Variants in MAP2K5 observed in about 807,000 individuals in gnomAD.
The protein encoded by MAP2K5 is dual specificity mitogen-activated protein kinase kinase 5.
In MAP2K5, 49 loss-of-function variants were observed where a neutral mutation model predicts 83.1. The observed-to-expected ratio is 0.59, with a 90% CI of 0.47 to 0.75. The LOEUF is 0.75. MAP2K5 is among the 30% of genes least tolerant of loss of function. The probability of loss-of-function intolerance (pLI) is 0.00; values close to 1 mark genes in which losing one functional copy is unlikely to be tolerated. For missense variants in MAP2K5, 457 were observed against 557.5 expected (o/e 0.82, Z 1.82); for synonymous variants, 202 against 191.8 (o/e 1.05, Z -0.44).
Position 67,778,261 on chromosome 15 carries a change from T to G in MAP2K5, c.1242+5509T>G, listed in dbSNP as rs988624759. On this transcript the variant is annotated intron_variant, in intron 21 of 21. Coordinates refer to ENST00000178640, the MANE Select transcript of MAP2K5 (RefSeq NM_145160.3). This position sits in a 1 kb window ranked among gnomAD's most constrained non-coding sequence, Gnocchi z 5.0. ...TGATTGTAATTACATTTTCAGATAG[T>G]ATGGTTGGTTGTTCTCTCAATTAAT... Among the ~76,000 whole-genome samples, 1 of 152,222 alleles carries G rather than the reference T, an allele frequency of 6.6e-6. No homozygotes were observed. Among genetic ancestry groups the G allele is most frequent in the Non-Finnish European group, 1.5e-5 (1 of 68,042 alleles).
rs1358983759 is a variant in MAP2K5 at position 67,747,129 on chromosome 15, A to G, written c.1075-1102A>G. 2.6e-5 allele frequency among the ~76,000 whole-genome samples: 4 copies of G among 152,220 alleles called. No homozygotes were observed. The highest frequency in any genetic ancestry group is 2.0e-4 in the Admixed American group (3 of 15,276). ...TGGCGCTGAGGCCTCAGGCCCGGAC[A>G]CTGTCCTCTGATAGGCCCAGCTTTC... On this transcript the variant is annotated intron_variant, in intron 17 of 21. Transcript: ENST00000178640. This position sits in a 1 kb window ranked among gnomAD's most constrained non-coding sequence, Gnocchi z 4.1.
intron 4 of MAP2K5, 108 bp from the exon 5 acceptor site, chr15:67,585,780 TTC>T: frequency 1.1e-6 from 1 of 912,250 alleles, no homozygotes; most frequent in Non-Finnish European, 1.8e-6. Flanking sequence ...TTTCAATCAT[TTC>T]TCTCTGCTAA....
chr15:67,739,067 C>T (rs1018346744), intron 17 of MAP2K5, among the ~76,000 whole-genome samples: 2 of 151,942 alleles, frequency 1.3e-5, no homozygotes, highest in Non-Finnish European at 2.9e-5. Flanking sequence ...CTCACGTGAG[C>T]CCAGGAGTTT....
chr15:67,628,901 C>T (rs1422307392), intron 8 of MAP2K5: 9 of 750,124 alleles, frequency 1.2e-5, no homozygotes, highest in Non-Finnish European at 2.2e-5. Flanking sequence ...GGATGGATGG[C>T]TATAATGGAT....
chr15:67,744,061 T>C lies in MAP2K5; in HGVS notation c.1075-4170T>C, dbSNP rs112777964. Among the ~76,000 whole-genome samples, 594 of 152,340 alleles carry C rather than the reference T, an allele frequency of 3.9e-3. 4 individuals carry two copies. The highest frequency in any genetic ancestry group is 0.014 in the African/African-American group (571 of 41,574). Reference sequence around the variant, plus strand: ...GCTCCCCTCTGAGCCTCAGCTTCCCTAAAGCAAAGTGAGTAGATTGAACTA... The same window carrying C: ...GCTCCCCTCTGAGCCTCAGCTTCCCCAAAGCAAAGTGAGTAGATTGAACTA... On this transcript the variant is annotated intron_variant, in intron 17 of 21. Coordinates refer to ENST00000178640, the MANE Select transcript of MAP2K5 (RefSeq NM_145160.3).
Position 67,698,789 on chromosome 15 carries a change from C to T in MAP2K5, c.973-4548C>T, listed in dbSNP as rs1369241735. Among the ~76,000 whole-genome samples the T allele has an allele frequency of 6.6e-6, 1 of 152,162 alleles. No individual in the cohort carries two copies. Among genetic ancestry groups the T allele is most frequent in the Admixed American group, 6.5e-5 (1 of 15,276 alleles). ...AACACATACACATTGCATGATCCAA[C>T]TCAATTGGCTATGCTCATGCGATGG... On this transcript the variant is annotated intron_variant, in intron 15 of 21. Coordinates refer to ENST00000178640, the MANE Select transcript of MAP2K5 (RefSeq NM_145160.3). This position sits in a 1 kb window ranked among gnomAD's most constrained non-coding sequence, Gnocchi z 4.5.
intron 3 of MAP2K5, among the ~76,000 whole-genome samples, chr15:67,567,215 G>T (rs1423181443): frequency 1.3e-5 from 2 of 152,144 alleles, no homozygotes; most frequent in Non-Finnish European, 2.9e-5. Flanking sequence ...TAGCTGCTCT[G>T]CATTTTGTTA....
At chr15:67,704,703 G>A (rs1490317398) in intron 16 of MAP2K5, among the ~76,000 whole-genome samples, 1 of 152,218 alleles carries the variant, frequency 6.6e-6, no homozygotes, top group East Asian at 1.9e-4. Flanking sequence ...TCAGATCTCA[G>A]AACTGAGTCT....
rs2086732419 is a variant in MAP2K5, at chr15:67,642,346, A to G, written c.586-3885A>G. 3.2e-6 allele frequency: 4 copies of G among 1,250,636 alleles called. No homozygotes were observed. The East Asian group carries it at 1.0e-4, about 32-fold the overall frequency. 77.5% of individuals were successfully genotyped at this position (1,250,636 alleles called of 1,614,324 possible). On this transcript the variant is annotated intron_variant, in intron 9 of 21. Coordinates refer to ENST00000178640, the MANE Select transcript of MAP2K5 (RefSeq NM_145160.3). ...GTGTGGAGTGCTGGGGGGGATAGAA[A>G]AATGTACAAGACTCAGCCCTTGCCC... is the stretch of plus-strand genomic sequence containing the variant.
chr15:67,658,433 A>G, intron 11 of MAP2K5, 120 bp from the exon 12 acceptor site: 1 of 734,822 alleles, frequency 1.4e-6, no homozygotes. Flanking sequence ...TTTATACTAC[A>G]CATCCAATGC....
Position 67,720,420 on chromosome 15 carries a change from G to A in MAP2K5, c.1045-7496G>A, listed in dbSNP as rs2088931868. On this transcript the variant is annotated intron_variant, in intron 16 of 21. Coordinates refer to ENST00000178640, the MANE Select transcript of MAP2K5 (RefSeq NM_145160.3). This position sits in a 1 kb window ranked among gnomAD's most constrained non-coding sequence, Gnocchi z 5.7. Reference sequence around the variant, plus strand: ...TGTAAGTGAAATAGCGTATGGGAGAGGAAGGAGAATTATGTGTTTTGGGAC... The same window carrying A: ...TGTAAGTGAAATAGCGTATGGGAGAAGAAGGAGAATTATGTGTTTTGGGAC... 6.6e-6 allele frequency among the ~76,000 whole-genome samples: 1 copy of A among 152,090 alleles called. No individual in the cohort carries two copies. Among genetic ancestry groups the A allele is most frequent in the Non-Finnish European group, 1.5e-5 (1 of 68,010 alleles).
At chr15:67,726,011 A>T (rs2089085852) in intron 16 of MAP2K5, among the ~76,000 whole-genome samples, 1 of 151,860 alleles carries the variant, frequency 6.6e-6, no homozygotes, top group Non-Finnish European at 1.5e-5. Context: ...AAACATCTAC[A>T]CTCTCTTTCT....
chr15:67,683,665 G>A (rs775565800), intron 13 of MAP2K5, among the ~76,000 whole-genome samples: 2 of 152,158 alleles, frequency 1.3e-5, no homozygotes, highest in African/African-American at 2.4e-5. Context: ...AGGAGGCTGA[G>A]GCAGGAGAAG....
intron 13 of MAP2K5, among the ~76,000 whole-genome samples, chr15:67,681,999 A>G (rs1228847297): frequency 6.6e-6 from 1 of 152,228 alleles, no homozygotes; most frequent in Non-Finnish European, 1.5e-5. Flanking sequence ...TTGCTTACAG[A>G]AGAAAGGCTG....
intron 11 of MAP2K5, among the ~76,000 whole-genome samples, chr15:67,656,759 T>C (rs2087091463): frequency 6.6e-6 from 1 of 152,182 alleles, no homozygotes; most frequent in African/African-American, 2.4e-5. Flanking sequence ...TCAAGTAAAG[T>C]TGCTGGACTG....
In MAP2K5 at chr15:67,625,366, A is replaced by G. The variant is rs548069973; in HGVS notation, c.546-5522A>G. Reference sequence around the variant, plus strand: ...CCTGTGCTGGTCACAAACAAAATGGAACACTCAAGGACCAAGCACTAAAAA... The same window carrying G: ...CCTGTGCTGGTCACAAACAAAATGGGACACTCAAGGACCAAGCACTAAAAA... On this transcript the variant is annotated intron_variant, in intron 8 of 21. Transcript: ENST00000178640. Among the ~76,000 whole-genome samples, 3 of 152,320 alleles carry G rather than the reference A, an allele frequency of 2.0e-5. No homozygotes were observed. The South Asian group carries it at 6.2e-4, about 32-fold the overall frequency.
rs1281077904 is a variant in MAP2K5, at chr15:67,565,703, A to C, written c.252+2353A>C. On this transcript the variant is annotated intron_variant, in intron 3 of 21. Coordinates refer to ENST00000178640, the MANE Select transcript of MAP2K5 (RefSeq NM_145160.3). The surrounding 1 kb of genome is among the most constrained non-coding windows in gnomAD (Gnocchi z 4.1). ...TCTTACATTACATGTCCTTAGTTTA[A>C]AAGTTTCTGAGATTACTTGGGTCCA... Among the ~76,000 whole-genome samples, 1 of 152,146 alleles carries C rather than the reference A, an allele frequency of 6.6e-6. No individual in the cohort carries two copies. Among genetic ancestry groups the C allele is most frequent in the Non-Finnish European group, 1.5e-5 (1 of 68,028 alleles).
At chr15:67,560,900 C>T (rs1389912469) in intron 2 of MAP2K5, among the ~76,000 whole-genome samples, 4 of 152,062 alleles carry the variant, frequency 2.6e-5, no homozygotes, top group Admixed American at 6.5e-5. Flanking sequence ...TTTATGTAAT[C>T]GGTGCCCCCC....
chr15:67,586,783 T>C (rs2085300861), intron 5 of MAP2K5, 63 bp from the exon 6 acceptor site: 13 of 1,469,602 alleles, frequency 8.8e-6, no homozygotes, highest in South Asian at 1.1e-5. Context: ...TGGCAAATTA[T>C]AGGTTAATTA....
Sources: gnomAD v4.1 joint callset for allele counts (sites outside exome capture counted in the v4.1 genomes callset) on GRCh38, gnomAD v4.1.1 for gene constraint, Gnocchi (gnomAD v3.1) non-coding constraint, MANE v1.5 for transcripts, NCBI Gene and HGNC (gene_info 2026-07-23, HGNC 2026-07-21) for gene names.